The following SCARA5 variants were observed in gnomAD, a reference collection of about 807,000 sequenced individuals.
SCARA5 encodes the protein scavenger receptor class A, member 5 (putative).
Under a neutral mutation model 46.3 loss-of-function variants are expected in SCARA5, and 45 were observed. The observed-to-expected ratio is 0.97, with a 90% CI of 0.76 to 1.24. SCARA5 has a LOEUF of 1.24. Ranked by LOEUF, SCARA5 falls within the 50% of genes most tolerant of loss-of-function variation. The pLI is 0.00. For missense variants in SCARA5, 680 were observed against 689.0 expected, an observed-to-expected ratio of 0.99 and a Z score of 0.15; for synonymous variants, 333 against 306.5, an observed-to-expected ratio of 1.09 and a Z score of -0.90.
intron 7 of SCARA5, among the ~76,000 whole-genome samples, chr8:27,881,127 C>T (rs1209789085): frequency 3.3e-5 from 5 of 152,142 alleles, no homozygotes; most frequent in Non-Finnish European, 5.9e-5. Flanking sequence ...CTGTGGAAAG[C>T]AGTTTGGAGA....
chr8:27,885,232 C>G (rs745606035), intron 7 of SCARA5, among the ~76,000 whole-genome samples: 1 of 152,062 alleles, frequency 6.6e-6, no homozygotes, highest in Non-Finnish European at 1.5e-5. Context: ...GAAGGAAGGC[C>G]TTGAGTGGAG....
intron 3 of SCARA5, among the ~76,000 whole-genome samples, chr8:27,949,093 A>G (rs933200117): frequency 7.2e-5 from 11 of 152,328 alleles, no homozygotes; most frequent in Admixed American, 3.9e-4. Context: ...TCTTGCTCAG[A>G]GGCTGGTGGT....
chr8:27,973,122 A>G lies in SCARA5; in HGVS notation c.113-6580T>C, dbSNP rs564645035. 8.3e-4 allele frequency among the ~76,000 whole-genome samples: 126 copies of G among 152,324 alleles called. 1 individual carries two copies. Among genetic ancestry groups the G allele is most frequent in the African/African-American group, 2.9e-3 (121 of 41,556 alleles). ...TCTATTACATTCGCCGTATGCAAAT[A>G]ATTGACAAACTCTAATTGGCTGGAA... is the stretch of plus-strand genomic sequence containing the variant. On this transcript the variant is annotated intron_variant, in intron 2 of 8. Transcript: ENST00000354914.
intron 2 of SCARA5, among the ~76,000 whole-genome samples, chr8:27,982,337 C>T (rs1808634210): frequency 7.4e-6 from 1 of 135,858 alleles, no homozygotes; most frequent in South Asian, 2.5e-4. Context: ...GGAGAGGCCC[C>T]GGCTGCATAT....
intron 3 of SCARA5, among the ~76,000 whole-genome samples, chr8:27,934,135 C>T (rs1458620593): frequency 1.3e-5 from 2 of 152,174 alleles, no homozygotes; most frequent in Admixed American, 6.5e-5. Flanking sequence ...GGTCCAGTTT[C>T]CTGCACAGGA....
Position 27,904,815 on chromosome 8 carries a change from T to A in SCARA5, c.1116A>T (p.Gly372=), listed in dbSNP as rs1807225115. 6.2e-7 allele frequency: 1 copy of A among 1,612,596 alleles called. No homozygotes were observed. The highest frequency in any genetic ancestry group is 2.2e-5 in the East Asian group (1 of 44,848). Residue 372 remains glycine (G), a synonymous_variant, in exon 7 of 9, where the codon GGA becomes GGT. Transcript: ENST00000354914. ...CTCTGTCTCCTTTCTCTCCTTTCTC[T>A]CCTTTTGGGCCTCGGTCACCTAAAA... ...RGFKGDRGPK[G]EKGEKGDRAG...
At chr8:27,950,878 G>GGAAAAAA (rs1563536153) in intron 3 of SCARA5, among the ~76,000 whole-genome samples, 1 of 95,216 alleles carries the variant, frequency 1.1e-5, no homozygotes, top group Non-Finnish European at 2.4e-5. Context: ...CAGCTTTATG[G>GGAAAAAA]GAAAAAAAAA....
chr8:27,943,204 T>C (rs769439349), intron 3 of SCARA5, among the ~76,000 whole-genome samples: 24 of 152,314 alleles, frequency 1.6e-4, no homozygotes, highest in Admixed American at 3.9e-4. Flanking sequence ...CCTCTAAATA[T>C]TTGAAGATGG....
At chr8:27,975,417 G>A (rs1808507459) in intron 2 of SCARA5, among the ~76,000 whole-genome samples, 1 of 152,156 alleles carries the variant, frequency 6.6e-6, no homozygotes, top group Non-Finnish European at 1.5e-5. Context: ...TCAAACTCAG[G>A]GTGGGAGTCC....
Position 27,928,717 on chromosome 8 carries a change from G to A in SCARA5, c.242-6472C>T, listed in dbSNP as rs143250393. 8.0e-3 allele frequency among the ~76,000 whole-genome samples: 1,219 copies of A among 152,098 alleles called. 21 individuals are homozygous for A. The highest frequency in any genetic ancestry group is 0.028 in the African/African-American group (1,165 of 41,470). The stretch of plus-strand genomic sequence containing the variant: ...GTTTTGCTTTGTTGCTCAGGCTGGA[G>A]TGGAGTGGCATGATCTCGGCTCACT... On this transcript the variant is annotated intron_variant, in intron 3 of 8. Transcript: ENST00000354914.
chr8:27,920,057 T>C (rs771377802), intron 4 of SCARA5, among the ~76,000 whole-genome samples: 4 of 151,416 alleles, frequency 2.6e-5, no homozygotes, highest in Non-Finnish European at 4.4e-5. Context: ...AGGAAGGAAT[T>C]GGGGGAGGGA....
chr8:27,982,607 C>T (rs1808640517), intron 2 of SCARA5, among the ~76,000 whole-genome samples: 1 of 152,204 alleles, frequency 6.6e-6, no homozygotes, highest in Non-Finnish European at 1.5e-5. Context: ...CTTCCATCAA[C>T]AGTGGGCCCC....
chr8:27,937,178 TA>T, intron 3 of SCARA5, among the ~76,000 whole-genome samples: 1 of 152,246 alleles, frequency 6.6e-6, no homozygotes, highest in African/African-American at 2.4e-5. Flanking sequence ...AATACTGTAG[TA>T]GTATAAAGTG....
At chr8:27,991,877 G>GCA (rs1179346523) in intron 1 of SCARA5, among the ~76,000 whole-genome samples, 217 of 133,568 alleles carry the variant, frequency 1.6e-3, no homozygotes, top group African/African-American at 6.1e-3. Flanking sequence ...ACACACACAT[G>GCA]CACACACACA....
Position 27,907,249 on chromosome 8 carries a change from G to C in SCARA5, c.998-3C>G, listed in dbSNP as rs779065489. 5 of 1,608,948 alleles carry C rather than the reference G, an allele frequency of 3.1e-6. No individual in the cohort carries two copies. The highest frequency in any genetic ancestry group is 4.2e-6 in the Non-Finnish European group (5 of 1,176,676). On this transcript the variant is annotated splice_polypyrimidine_tract_variant and splice_region_variant and intron_variant, in intron 5 of 8. Coordinates refer to ENST00000354914, the MANE Select transcript of SCARA5 (RefSeq NM_173833.6). ...GGTACCTCTCTCCCCGGGCAGACCT[G>C]GGGAGAAAACAGACAAATGGCAGAG...
At chr8:27,942,261 T>C (rs1400086962) in intron 3 of SCARA5, among the ~76,000 whole-genome samples, 5 of 152,072 alleles carry the variant, frequency 3.3e-5, no homozygotes, top group Admixed American at 3.3e-4. Flanking sequence ...TTATCCCACC[T>C]CCTCCCTATG....
chr8:27,942,685 C>T (rs1042621783), intron 3 of SCARA5, among the ~76,000 whole-genome samples: 3 of 152,132 alleles, frequency 2.0e-5, no homozygotes, highest in Admixed American at 6.5e-5. Context: ...AGAAGTGTTA[C>T]GCTGACTTGG....
intron 3 of SCARA5, among the ~76,000 whole-genome samples, chr8:27,952,782 CTG>C (rs1032321308): frequency 1.3e-5 from 2 of 152,220 alleles, no homozygotes; most frequent in African/African-American, 2.4e-5. Context: ...TAGCGAAACA[CTG>C]TGAGACAGAG....
chr8:27,889,426 C>A (rs554822668), intron 7 of SCARA5, among the ~76,000 whole-genome samples: 10 of 152,192 alleles, frequency 6.6e-5, no homozygotes, highest in Non-Finnish European at 1.2e-4. Flanking sequence ...ACACTCTTTG[C>A]ATGACACGTG....
Sources: allele counts gnomAD v4.1 joint callset (sites outside exome capture counted in the v4.1 genomes callset), GRCh38; gene constraint gnomAD v4.1.1; transcripts MANE v1.5; gene names NCBI Gene and HGNC (gene_info 2026-07-23, HGNC 2026-07-21).